Variants in PRR19 observed in about 807,000 individuals in gnomAD.
PRR19 encodes proline-rich protein 19.
PRR19 carries 9 observed loss-of-function variants against 19.2 expected under a neutral mutation model. That is an observed-to-expected ratio of 0.47 (90% CI 0.28 to 0.82). The LOEUF is 0.82. PRR19 is among the 40% of genes least tolerant of loss of function. The pLI is 0.11. For missense variants in PRR19, 457 were observed against 466.0 expected, an observed-to-expected ratio of 0.98 and a Z score of 0.18; for synonymous variants, 190 against 191.0, an observed-to-expected ratio of 0.99 and a Z score of 0.04.
chr19:42,304,742 G>A (rs1278134877), intron 1 of PRR19, among the ~76,000 whole-genome samples: 8 of 120,526 alleles, frequency 6.6e-5, no homozygotes, highest in Non-Finnish European at 1.2e-4. Flanking sequence ...AGAGCGAGAC[G>A]CCGTCTCAAA....
chr19:42,308,812 G>A (rs1162317766), intron 1 of PRR19: 1 of 152,170 alleles, frequency 6.6e-6, no homozygotes, highest in Non-Finnish European at 1.5e-5. Flanking sequence ...GCCTCCCAAA[G>A]TGCTAGGATT....
intron 1 of PRR19, 111 bp downstream of exon 1, chr19:42,302,614 G>C (rs1004646204): frequency 3.4e-5 from 13 of 383,454 alleles, no homozygotes; most frequent in East Asian, 2.5e-4. Context: ...GCACGGGGTG[G>C]GGGGAGGGAG....
chr19:42,304,611 G>T (rs187588644), intron 1 of PRR19, among the ~76,000 whole-genome samples: 1 of 151,468 alleles, frequency 6.6e-6, no homozygotes, highest in African/African-American at 2.4e-5. Flanking sequence ...TTAGCGGGGC[G>T]TGGTGGCAGG....
chr19:42,306,503 T>A (rs2038708154), intron 1 of PRR19, among the ~76,000 whole-genome samples: 1 of 151,762 alleles, frequency 6.6e-6, no homozygotes, highest in Non-Finnish European at 1.5e-5. Context: ...AGGGTCTCCC[T>A]ATGTTGTCCA....
intron 1 of PRR19, among the ~76,000 whole-genome samples, chr19:42,308,390 CTTTTTTTTTTTT>C (rs774768445): frequency 8.4e-6 from 1 of 119,316 alleles, no homozygotes; most frequent in Non-Finnish European, 1.7e-5. Context: ...CCGAATCCAG[CTTTTTTTTTTTT>C]TTTTTTTTTT....
chr19:42,305,329 A>T (rs1599959219), intron 1 of PRR19, among the ~76,000 whole-genome samples: 1 of 151,334 alleles, frequency 6.6e-6, no homozygotes, highest in African/African-American at 2.4e-5. Context: ...CCTAGGCTGG[A>T]CTGCAATGGC....
Position 42,309,560 on chromosome 19 carries a change from C to A in PRR19, c.-6-19C>A. ...TGACTTATCTGCATGCTGATGGCCACCCTATCTTTATATTCCAGGACACCA... is the reference window on the plus strand; with the variant it reads ...TGACTTATCTGCATGCTGATGGCCAACCTATCTTTATATTCCAGGACACCA... On this transcript the variant is annotated intron_variant, in intron 1 of 2. Coordinates refer to ENST00000341747, the MANE Select transcript of PRR19 (RefSeq NM_199285.3). The A allele has an allele frequency of 6.6e-7, 1 of 1,504,934 alleles. No individual in the cohort carries two copies. 93.2% of individuals were successfully genotyped at this position (1,504,934 alleles called of 1,614,324 possible). A position where few individuals can be genotyped will look rare whatever the true frequency, so the allele number is the denominator to read the frequency against.
intron 2 of PRR19, 26 bp downstream of exon 2, chr19:42,310,211 T>C: frequency 6.2e-7 from 1 of 1,613,904 alleles, no homozygotes; most frequent in Non-Finnish European, 8.5e-7. Context: ...GCCCCTGTAC[T>C]CCCCTTTCCT....
At position 42,309,968 on chromosome 19, in the gene PRR19, T is replaced by TG; in HGVS notation, c.386dup (p.Gly130ArgfsTer58). 2 of 1,613,938 alleles carry TG rather than the reference T, an allele frequency of 1.2e-6. No individual in the cohort carries two copies. The highest frequency in any genetic ancestry group is 1.1e-5 in the South Asian group (1 of 91,084). On this transcript the variant is annotated frameshift_variant, in exon 2 of 3. Transcript: ENST00000341747. LOFTEE classifies it high-confidence loss of function. The stretch of plus-strand genomic sequence containing the variant: ...CCAGGGACAAAGAGAACCAGGTGCC[T>TG]GGAGGTTCGGGCCCAGGCCCACCCA...
At position 42,310,437 on chromosome 19, in the gene PRR19, ACCG is replaced by A; in HGVS notation, c.771_773del (p.Pro258del). On this transcript the variant is annotated inframe_deletion, in exon 3 of 3. Coordinates refer to ENST00000341747, the MANE Select transcript of PRR19 (RefSeq NM_199285.3). ...CCACTGCGCACAGGGGGAGTCTGGCACCGCCAAGAGGTCCCTGGCCACCATACT... is the reference window on the plus strand; with the variant it reads ...CCACTGCGCACAGGGGGAGTCTGGCACCAAGAGGTCCCTGGCCACCATACT... 2 of 1,614,108 alleles carry A rather than the reference ACCG, an allele frequency of 1.2e-6. No homozygotes were observed. Among genetic ancestry groups the A allele is most frequent in the Non-Finnish European group, 1.7e-6 (2 of 1,179,990 alleles).
At position 42,302,381 on chromosome 19, in the gene PRR19, G is replaced by GTT; in HGVS notation, c.-129_-128insTT. On this transcript the variant is annotated 5_prime_UTR_variant, in exon 1 of 3. An upstream open reading frame in the 5' UTR loses its in-frame stop. Transcript: ENST00000341747. The stretch of plus-strand genomic sequence containing the variant: ...GAGTGTTCCGAACGGAGCTGGCTCC[G>GTT]CCACGCCCACTCCTACCCCTCGCGG... 1 of 1,378,522 alleles carries GTT rather than the reference G, an allele frequency of 7.3e-7. No homozygotes were observed. Among genetic ancestry groups the GTT allele is most frequent in the Non-Finnish European group, 9.9e-7 (1 of 1,009,256 alleles). The allele number at this position is 1,378,522 out of a possible 1,614,324, so 85.4% of individuals were successfully genotyped here.
Position 42,309,646 on chromosome 19 carries a change from G to A in PRR19, c.62G>A (p.Arg21His), listed in dbSNP as rs199545648. The A allele has an allele frequency of 1.1e-5, 17 of 1,566,434 alleles. No homozygotes were observed. The East Asian group carries it at 2.7e-4, about 25-fold the overall frequency. The change falls in exon 2 of 3, where the codon CGT becomes CAT. Residue 21 changes from arginine to histidine, a missense_variant. Arg to His is a conservative substitution (Grantham distance 29). Transcript: ENST00000341747. ...CAGCCTGAGAAACCTGGTCGTGTCCGTCGTCGGAAGACTAGGCGGGAACGT... is the reference window on the plus strand; with the variant it reads ...CAGCCTGAGAAACCTGGTCGTGTCCATCGTCGGAAGACTAGGCGGGAACGT... ...FQQPEKPGRV[R>H]RRKTRRERNK...
At chr19:42,303,521 C>T (rs1190517288) in intron 1 of PRR19, 1 of 152,256 alleles carries the variant, frequency 6.6e-6, no homozygotes, top group Non-Finnish European at 1.5e-5. Context: ...GGGGCTCACT[C>T]CCTGCTAAAC....
At chr19:42,306,342 T>G (rs1276684917) in intron 1 of PRR19, among the ~76,000 whole-genome samples, 1 of 151,940 alleles carries the variant, frequency 6.6e-6, no homozygotes, top group East Asian at 1.9e-4. Context: ...CCCGGCTAAT[T>G]TTTTGTATTT....
At chr19:42,306,268 G>T (rs2038705514) in intron 1 of PRR19, among the ~76,000 whole-genome samples, 1 of 152,190 alleles carries the variant, frequency 6.6e-6, no homozygotes, top group Non-Finnish European at 1.5e-5. Flanking sequence ...CCGCCTCCCG[G>T]GTTCACGCCA....
chr19:42,309,500 C>T (rs906546816), intron 1 of PRR19, 79 bp from the exon 2 acceptor site: 4 of 1,132,526 alleles, frequency 3.5e-6, no homozygotes, highest in South Asian at 1.6e-5. Flanking sequence ...TAAGCCACCG[C>T]GCCCAGCCCT....
At chr19:42,307,357 C>T (rs1035852491) in intron 1 of PRR19, among the ~76,000 whole-genome samples, 9 of 152,096 alleles carry the variant, frequency 5.9e-5, no homozygotes, top group Admixed American at 2.0e-4. Flanking sequence ...TGGATTTCTC[C>T]GTCCAGAATC....
At chr19:42,309,329 C>T (rs1451484143) in intron 1 of PRR19, 5 of 295,348 alleles carry the variant, frequency 1.7e-5, no homozygotes, top group Non-Finnish European at 3.1e-5. Context: ...CTGCCTTGGC[C>T]TCCCAAAGTA....
In PRR19 at chr19:42,302,330, A is replaced by G. The variant is rs1449269269; in HGVS notation, c.-180A>G. Reference sequence around the variant, plus strand: ...CTCATCTTGGCGCCGCAGCTCCTGCAGGATGAGCGAGTCGGGTCGGCCCGG... The same window carrying G: ...CTCATCTTGGCGCCGCAGCTCCTGCGGGATGAGCGAGTCGGGTCGGCCCGG... On this transcript the variant is annotated 5_prime_UTR_variant, in exon 1 of 3. Coordinates refer to ENST00000341747, the MANE Select transcript of PRR19 (RefSeq NM_199285.3). 1.3e-6 allele frequency: 2 copies of G among 1,582,340 alleles called. No homozygotes were observed. Among genetic ancestry groups the G allele is most frequent in the Non-Finnish European group, 1.7e-6 (2 of 1,166,402 alleles).
Sources: gnomAD v4.1 joint callset for allele counts (sites outside exome capture counted in the v4.1 genomes callset) on GRCh38, gnomAD v4.1.1 for gene constraint, MANE v1.5 for transcripts, NCBI Gene and HGNC (gene_info 2026-07-23, HGNC 2026-07-21) for gene names.